Variants in SOX5 observed in about 807,000 individuals in gnomAD.
SOX5 encodes transcription factor SOX-5.
Under a neutral mutation model 92.0 loss-of-function variants are expected in SOX5, and 9 were observed. That is an observed-to-expected ratio of 0.10 (90% CI 0.06 to 0.17). The LOEUF (loss-of-function observed/expected upper bound fraction) is 0.17, where lower values mean the gene tolerates loss of function less well. Ranked by LOEUF, SOX5 falls within the 10% of genes least tolerant of loss-of-function variation. SOX5 has a pLI of 1.00. For synonymous variants in SOX5, 344 were observed against 336.3 expected (o/e 1.02, Z -0.25); for missense variants, 642 against 944.5 (o/e 0.68, Z 4.20).
chr12:23,965,681 C>T (rs1180675173), intron 4 of SOX5, among the ~76,000 whole-genome samples: 1 of 152,124 alleles, frequency 6.6e-6, no homozygotes, highest in African/African-American at 2.4e-5. Flanking sequence ...TGCAGTGGCA[C>T]AATCTTGGCT....
intron 1 of SOX5, among the ~76,000 whole-genome samples, chr12:24,557,867 T>C (rs753686810): frequency 6.6e-6 from 1 of 152,218 alleles, no homozygotes; most frequent in Non-Finnish European, 1.5e-5. Flanking sequence ...CAAGATACAT[T>C]TTTATGGCTC....
At chr12:24,172,263 G>A (rs935853888) in intron 4 of SOX5, among the ~76,000 whole-genome samples, 1 of 152,046 alleles carries the variant, frequency 6.6e-6, no homozygotes, top group African/African-American at 2.4e-5. Flanking sequence ...TGGGCCGGGC[G>A]CAGTGAGTCA....
At chr12:24,121,332 T>G (rs766202831) in intron 4 of SOX5, among the ~76,000 whole-genome samples, 10 of 152,166 alleles carry the variant, frequency 6.6e-5, no homozygotes, top group Non-Finnish European at 1.5e-4. Flanking sequence ...CAAAACAAAC[T>G]CATGCTAATT....
chr12:24,284,397 G>A (rs777578215), intron 2 of SOX5, among the ~76,000 whole-genome samples: 13 of 150,206 alleles, frequency 8.7e-5, no homozygotes, highest in Non-Finnish European at 1.3e-4. Context: ...TGATGGAGGT[G>A]TAAGGAGAAT....
At chr12:24,418,739 A>T (rs1417284332) in intron 1 of SOX5, among the ~76,000 whole-genome samples, 1 of 152,212 alleles carries the variant, frequency 6.6e-6, no homozygotes, top group Middle Eastern at 3.2e-3. Flanking sequence ...TCTTTTTCAA[A>T]AAATACCCCA....
chr12:23,781,631 T>C (rs2095281565), intron 3 of SOX5, among the ~76,000 whole-genome samples: 1 of 152,058 alleles, frequency 6.6e-6, no homozygotes, highest in African/African-American at 2.4e-5. Flanking sequence ...TTTAACACTT[T>C]AAGTAAAACT....
intron 1 of SOX5, among the ~76,000 whole-genome samples, chr12:24,391,002 C>G (rs1161551762): frequency 6.6e-6 from 1 of 152,108 alleles, no homozygotes; most frequent in East Asian, 1.9e-4. Flanking sequence ...GATAAATATA[C>G]TGTTTTCCAT....
rs537610492 is a variant in SOX5, at chr12:24,517,353, G to A, written c.-251+44976C>T. Among the ~76,000 whole-genome samples, 3 of 152,302 alleles carry A rather than the reference G, an allele frequency of 2.0e-5. 1 individual carries two copies. The highest frequency in any genetic ancestry group is 2.0e-4 in the Admixed American group (3 of 15,300). On this transcript the variant is annotated intron_variant, in intron 1 of 4. Transcript: ENST00000446891. ...ATACAGGAGGGGCAACACTTGCTGG[G>A]TGTGGTGCTTACATCCACATCAAGA...
intron 11 of SOX5, among the ~76,000 whole-genome samples, chr12:23,559,253 A>T (rs1945779175): frequency 6.6e-6 from 1 of 152,208 alleles, no homozygotes; most frequent in Non-Finnish European, 1.5e-5. Context: ...AAAACAAAAT[A>T]TGAGAGGCTT....
intron 3 of SOX5, among the ~76,000 whole-genome samples, chr12:24,219,803 T>C (rs1358598931): frequency 6.6e-6 from 1 of 152,126 alleles, no homozygotes; most frequent in Non-Finnish European, 1.5e-5. Flanking sequence ...CAACCATTCA[T>C]CTGTTCATTT....
intron 9 of SOX5, among the ~76,000 whole-genome samples, chr12:23,595,550 C>T (rs1952256350): frequency 7.6e-6 from 1 of 131,332 alleles, no homozygotes; most frequent in African/African-American, 2.9e-5. Context: ...ACCCGGGAGG[C>T]GGAGCTTGCA....
At chr12:24,080,628 T>C (rs140981174) in intron 4 of SOX5, among the ~76,000 whole-genome samples, 340 of 152,118 alleles carry the variant, frequency 2.2e-3, no homozygotes, top group African/African-American at 7.6e-3. Flanking sequence ...AAACTTCCAA[T>C]GTTTGAAGAT....
intron 6 of SOX5, among the ~76,000 whole-genome samples, chr12:23,694,721 A>C (rs2089500994): frequency 6.6e-6 from 1 of 152,222 alleles, no homozygotes; most frequent in South Asian, 2.1e-4. Flanking sequence ...AACAACAATG[A>C]ATAAGCTTTT....
intron 2 of SOX5, among the ~76,000 whole-genome samples, chr12:23,852,338 G>A (rs2096642402): frequency 6.6e-6 from 1 of 151,994 alleles, no homozygotes; most frequent in African/African-American, 2.4e-5. Flanking sequence ...ATTCTAGACA[G>A]TAACAGTCCT....
At chr12:23,930,016 C>T (rs904580406) in intron 1 of SOX5, among the ~76,000 whole-genome samples, 1 of 151,840 alleles carries the variant, frequency 6.6e-6, no homozygotes, top group African/African-American at 2.4e-5. Flanking sequence ...GACCACACAA[C>T]ATCTTTTTCC....
In SOX5 at chr12:24,192,358, T is replaced by A. The variant is rs143563292; in HGVS notation, c.-2+20985A>T. Among the ~76,000 whole-genome samples the A allele has an allele frequency of 6.6e-3, 999 of 152,236 alleles. 13 individuals carry two copies. The highest frequency in any genetic ancestry group is 0.023 in the African/African-American group (954 of 41,582). On this transcript the variant is annotated intron_variant, in intron 4 of 4. Coordinates refer to the SOX5 transcript ENST00000446891. ...TTGTATAAATAAAATAACAATAAAA[T>A]GTTCTAAAAAATCTCTTTTAACCCT...
rs58135899 is a variant in SOX5, at chr12:24,364,511, CATATATATATAT to C, written c.-174+4040_-174+4051del. On this transcript the variant is annotated intron_variant, in intron 2 of 4. Coordinates refer to the SOX5 transcript ENST00000446891. ...AAAACTGAACAACTTAACATTTTTT[CATATATATATAT>C]ATATATATATATATATATATACACG... 1.3e-3 allele frequency among the ~76,000 whole-genome samples: 149 copies of C among 110,524 alleles called. 1 individual carries two copies. Among genetic ancestry groups the C allele is most frequent in the South Asian group, 5.9e-3 (20 of 3,394 alleles). 72.5% of individuals were successfully genotyped at this position (110,524 alleles called of 152,430 possible).
At chr12:24,513,105 T>C (rs10743500) in intron 1 of SOX5, among the ~76,000 whole-genome samples, 102,251 of 152,160 alleles carry the variant, frequency 0.67, 35,447 homozygotes, top group East Asian at 0.98. Context: ...CAGTCAGCCA[T>C]GCAACCATGC....
intron 3 of SOX5, among the ~76,000 whole-genome samples, chr12:23,788,772 A>G (rs551482164): frequency 1.3e-5 from 2 of 152,104 alleles, no homozygotes; most frequent in East Asian, 3.9e-4. Flanking sequence ...GAAATAAGTA[A>G]TTTCATATTA....
Sources: allele counts gnomAD v4.1 joint callset (sites outside exome capture counted in the v4.1 genomes callset), GRCh38; gene constraint gnomAD v4.1.1; transcripts MANE v1.5; gene names NCBI Gene and HGNC (gene_info 2026-07-23, HGNC 2026-07-21).